Variants in RYR2 observed in about 807,000 individuals in gnomAD.
RYR2 encodes ryanodine receptor 2, also known as cardiac muscle ryanodine receptor-calcium release channel.
RYR2 carries 227 observed loss-of-function variants against 601.1 expected under a neutral mutation model. The observed-to-expected ratio is 0.38, with a 90% CI of 0.34 to 0.42. The LOEUF is 0.42. Among genes scored for constraint, RYR2 ranks in the 10% least tolerant of loss-of-function variants. RYR2 has a pLI of 1.00. For missense variants in RYR2, 4,646 were observed against 6,156.5 expected, an observed-to-expected ratio of 0.75 and a Z score of 8.21; for synonymous variants, 2,223 against 2,175.1, an observed-to-expected ratio of 1.02 and a Z score of -0.61.
intron 1 of RYR2, among the ~76,000 whole-genome samples, chr1:237,196,408 T>C (rs201414890): frequency 5.5e-4 from 83 of 152,210 alleles, no homozygotes; most frequent in African/African-American, 1.8e-3. Flanking sequence ...GCTAGCTAGA[T>C]ATTAAAATGA....
chr1:237,618,993 GC>G (rs1378899146), intron 38 of RYR2, among the ~76,000 whole-genome samples: 1 of 152,100 alleles, frequency 6.6e-6, no homozygotes, highest in East Asian at 1.9e-4. Context: ...GTCCAAGAAG[GC>G]TGAGTGGGAA....
intron 87 of RYR2, among the ~76,000 whole-genome samples, chr1:237,778,198 G>T (rs1458414966): frequency 6.6e-6 from 1 of 152,084 alleles, no homozygotes; most frequent in African/African-American, 2.4e-5. Context: ...TTAAGAAAAC[G>T]TTGAAGAGGA....
chr1:237,537,958 C>G (rs1440002878), intron 25 of RYR2, among the ~76,000 whole-genome samples: 1 of 152,056 alleles, frequency 6.6e-6, no homozygotes, highest in African/African-American at 2.4e-5. Context: ...AGTGTATTCA[C>G]TATTTTTGAT....
intron 88 of RYR2, among the ~76,000 whole-genome samples, chr1:237,779,110 T>A (rs1354337567): frequency 6.6e-6 from 1 of 152,174 alleles, no homozygotes; most frequent in Non-Finnish European, 1.5e-5. Flanking sequence ...GAATTTTCCT[T>A]CCCCTTACAG....
chr1:237,153,730 A>C (rs1674994070), intron 1 of RYR2, among the ~76,000 whole-genome samples: 1 of 152,164 alleles, frequency 6.6e-6, no homozygotes, highest in South Asian at 2.1e-4. Flanking sequence ...GAAAATGAGC[A>C]ACATAAATTT....
intron 1 of RYR2, among the ~76,000 whole-genome samples, chr1:237,269,893 C>A (rs1238118095): frequency 6.6e-6 from 1 of 152,144 alleles, no homozygotes; most frequent in East Asian, 1.9e-4. Context: ...TGATTGGAAA[C>A]CTGTTTTGGC....
rs955158942 is a variant in RYR2 at position 237,243,468 on chromosome 1, G to C, written c.49-27029G>C. ...AGGGTACAGATGAAGAGCTGTGTAG[G>C]GTGAGGTATGTGGGAAGGGGTGCAG... is the stretch of plus-strand genomic sequence containing the variant. On this transcript the variant is annotated intron_variant, in intron 1 of 104. Coordinates refer to ENST00000366574, the MANE Select transcript of RYR2 (RefSeq NM_001035.3). 6.2e-4 allele frequency among the ~76,000 whole-genome samples: 94 copies of C among 152,174 alleles called. 1 individual carries two copies. Among genetic ancestry groups the C allele is most frequent in the African/African-American group, 2.2e-3 (90 of 41,530 alleles).
At chr1:237,656,315 T>C (rs1683242029) in intron 53 of RYR2, among the ~76,000 whole-genome samples, 1 of 152,092 alleles carries the variant, frequency 6.6e-6, no homozygotes, top group South Asian at 2.1e-4. Flanking sequence ...AATCAACCTC[T>C]ATATAACATC....
At position 237,550,586 on chromosome 1, in the gene RYR2, C is replaced by G. The variant is rs762576802; in HGVS notation, c.3109C>G (p.Leu1037Val). ...RRNPRLVPYTLLDDRTKKSNK... is the reference protein window; with the variant it reads ...RRNPRLVPYTVLDDRTKKSNK... ...AAATCCTCGCCTTGTTCCCTACACT[C>G]TTCTGGATGACCGAACCAAGAAATC... Residue 1037 changes from leucine to valine, a missense_variant, in exon 27 of 105, where the codon CTT becomes GTT. Leu to Val is a conservative substitution (Grantham distance 32, BLOSUM62 1). Coordinates refer to ENST00000366574, the MANE Select transcript of RYR2 (RefSeq NM_001035.3). 1 of 1,607,652 alleles carries G rather than the reference C, an allele frequency of 6.2e-7. No homozygotes were observed.
At position 237,610,645 on chromosome 1, in the gene RYR2, G is replaced by T; in HGVS notation, c.4684-117G>T. ...ATGATTTCTTGTGTTGACTTTGCTT[G>T]ACTCATAGGGTTATCTTACTTTCCC... On this transcript the variant is annotated intron_variant, in intron 35 of 104. Coordinates refer to ENST00000366574, the MANE Select transcript of RYR2 (RefSeq NM_001035.3). This position sits in a 1 kb window ranked among gnomAD's most constrained non-coding sequence, Gnocchi z 4.9. 1.2e-6 allele frequency: 1 copy of T among 806,638 alleles called. No homozygotes were observed. Among genetic ancestry groups the T allele is most frequent in the South Asian group, 1.9e-5 (1 of 51,566 alleles). The allele number at this position is 806,638 out of a possible 1,614,324, so 50.0% of individuals were successfully genotyped here. A position where few individuals can be genotyped will look rare whatever the true frequency, so the allele number is the denominator to read the frequency against.
intron 84 of RYR2, among the ~76,000 whole-genome samples, chr1:237,764,134 C>T (rs6668208): frequency 0.65 from 98,579 of 152,060 alleles, 32,385 homozygotes; most frequent in African/African-American, 0.7. Flanking sequence ...CCATGGAAAA[C>T]GTATAAGCTC....
chr1:237,318,334 A>G (rs1002443370), intron 2 of RYR2, among the ~76,000 whole-genome samples: 2 of 152,132 alleles, frequency 1.3e-5, no homozygotes, highest in Admixed American at 1.3e-4. Flanking sequence ...ATAAGATACT[A>G]TTATAACTAT....
At chr1:237,133,239 A>T (rs1672347827) in intron 1 of RYR2, among the ~76,000 whole-genome samples, 1 of 152,172 alleles carries the variant, frequency 6.6e-6, no homozygotes, top group African/African-American at 2.4e-5. Flanking sequence ...GAATGACCTT[A>T]GGTATGAGAG....
At chr1:237,622,192 T>TTC (rs1328408128) in intron 38 of RYR2, among the ~76,000 whole-genome samples, 1 of 152,208 alleles carries the variant, frequency 6.6e-6, no homozygotes, top group East Asian at 1.9e-4. Flanking sequence ...GAAAGCATCT[T>TTC]TCTCTTCCGA....
At chr1:237,366,252 A>C (rs140912268) in intron 5 of RYR2, among the ~76,000 whole-genome samples, 2 of 152,320 alleles carry the variant, frequency 1.3e-5, no homozygotes, top group African/African-American at 4.8e-5. Flanking sequence ...GAGACTTTCC[A>C]TGAAGACACC....
chr1:237,599,529 A>G (rs1161473780), intron 34 of RYR2, among the ~76,000 whole-genome samples: 1 of 152,198 alleles, frequency 6.6e-6, no homozygotes, highest in Non-Finnish European at 1.5e-5. Context: ...AGCTTTAAAA[A>G]TCAGTTATCG....
chr1:237,722,008 C>G (rs1247149252), intron 73 of RYR2, among the ~76,000 whole-genome samples: 1 of 151,894 alleles, frequency 6.6e-6, no homozygotes, highest in East Asian at 1.9e-4. Context: ...TGTGTAGACT[C>G]CTTTATGATG....
intron 1 of RYR2, among the ~76,000 whole-genome samples, chr1:237,194,991 A>G (rs1680394093): frequency 6.6e-6 from 1 of 152,168 alleles, no homozygotes; most frequent in African/African-American, 2.4e-5. Flanking sequence ...CCTGGCACCT[A>G]TTAGGGCATC....
chr1:237,399,545 T>C (rs1258398787), intron 10 of RYR2, among the ~76,000 whole-genome samples: 1 of 152,074 alleles, frequency 6.6e-6, no homozygotes, highest in African/African-American at 2.4e-5. Context: ...CAGGAAAAAG[T>C]TTAATGCTCT....
Sources: allele counts gnomAD v4.1 joint callset (sites outside exome capture counted in the v4.1 genomes callset), GRCh38; gene constraint gnomAD v4.1.1; non-coding constraint Gnocchi (gnomAD v3.1); transcripts MANE v1.5; gene names NCBI Gene and HGNC (gene_info 2026-07-23, HGNC 2026-07-21).